SEPTIN7: variants seen among roughly 807,000 people sequenced by gnomAD.
SEPTIN7 encodes septin-7.
SEPTIN7 carries 10 observed loss-of-function variants against 63.3 expected under a neutral mutation model. The ratio of observed to expected loss-of-function variants is 0.16; its 90% confidence interval spans 0.10 to 0.27. The LOEUF is 0.27. Ranked by LOEUF, SEPTIN7 falls within the 10% of genes least tolerant of loss-of-function variation. The pLI, the probability that SEPTIN7 is intolerant of heterozygous loss-of-function variation, is 1.00. For synonymous variants in SEPTIN7, 131 were observed against 165.3 expected (o/e 0.79, Z 1.59); for missense variants, 310 against 521.0 (o/e 0.59, Z 3.94).
In SEPTIN7 at chr7:35,832,795, C is replaced by A; in HGVS notation, c.67-3C>A. On this transcript the variant is annotated splice_region_variant and splice_polypyrimidine_tract_variant and intron_variant, in intron 2 of 13. Transcript: ENST00000350320. ...ATAACTTGGCCCTTTTTGCTTTTGT[C>A]AGCAACAGAAGAACCTTGAAGGCTA... 1 of 1,584,552 alleles carries A rather than the reference C, an allele frequency of 6.3e-7. No homozygotes were observed. Among genetic ancestry groups the A allele is most frequent in the South Asian group, 1.1e-5 (1 of 90,046 alleles).
intron 1 of SEPTIN7, among the ~76,000 whole-genome samples, chr7:35,802,734 C>G (rs966225222): frequency 2.6e-5 from 4 of 152,018 alleles, no homozygotes; most frequent in African/African-American, 9.7e-5. Flanking sequence ...TAAACAATGA[C>G]CAAGTCAGCT....
intron 3 of SEPTIN7, among the ~76,000 whole-genome samples, chr7:35,862,047 A>T (rs577946518): frequency 7.2e-5 from 11 of 152,208 alleles, no homozygotes; most frequent in African/African-American, 2.4e-4. Flanking sequence ...TGAGCTTTTT[A>T]GTTTGCCGTT....
At chr7:35,852,014 G>C (rs943297368) in intron 3 of SEPTIN7, among the ~76,000 whole-genome samples, 2 of 152,028 alleles carry the variant, frequency 1.3e-5, no homozygotes, top group Non-Finnish European at 2.9e-5. Flanking sequence ...CCTTCTTAAG[G>C]CTGTCTACTT....
In SEPTIN7 at chr7:35,873,778, C is replaced by T. The variant is rs1786304294; in HGVS notation, c.512+3C>T. ...TTCATTGCTCCTTCAGGACATGGGT[C>T]AGTACCTTGATACTTCTGATTCCTT... is the stretch of plus-strand genomic sequence containing the variant. On this transcript the variant is annotated splice_donor_region_variant and intron_variant, in intron 6 of 13. Coordinates refer to ENST00000350320, the MANE Select transcript of SEPTIN7 (RefSeq NM_001788.6). 1 of 1,608,626 alleles carries T rather than the reference C, an allele frequency of 6.2e-7. No homozygotes were observed. The highest frequency in any genetic ancestry group is 8.5e-7 in the Non-Finnish European group (1 of 1,178,026).
chr7:35,818,571 A>G (rs1441546843), intron 1 of SEPTIN7, among the ~76,000 whole-genome samples: 1 of 152,042 alleles, frequency 6.6e-6, no homozygotes, highest in Non-Finnish European at 1.5e-5. Flanking sequence ...TGGTGAAGAC[A>G]TCTGGGTATG....
At chr7:35,869,084 G>A (rs1305760372) in intron 4 of SEPTIN7, among the ~76,000 whole-genome samples, 1 of 152,152 alleles carries the variant, frequency 6.6e-6, no homozygotes, top group Non-Finnish European at 1.5e-5. Flanking sequence ...AGAAAGATGG[G>A]TTAATCCAGA....
intron 4 of SEPTIN7, among the ~76,000 whole-genome samples, chr7:35,865,023 A>AT (rs371698605): frequency 0.1 from 14,550 of 143,368 alleles, 803 homozygotes; most frequent in South Asian, 0.2. Flanking sequence ...CTATTTTAGG[A>AT]TTTTTTTTTT....
At chr7:35,859,751 T>C (rs1052367073) in intron 3 of SEPTIN7, among the ~76,000 whole-genome samples, 1 of 152,212 alleles carries the variant, frequency 6.6e-6, no homozygotes, top group Non-Finnish European at 1.5e-5. Flanking sequence ...CCTTTGTCTT[T>C]GATGATAGTT....
chr7:35,885,803 T>TA, intron 9 of SEPTIN7, 25 bp from the exon 10 acceptor site: 1 of 1,572,696 alleles, frequency 6.4e-7, no homozygotes. Flanking sequence ...AAATATAACA[T>TA]ATGCGGTCTG....
Position 35,801,136 on chromosome 7 carries a change from GGAATCGGCGTAGGCGCCTTTGGA to G in SEPTIN7, c.-64_-42del. 3 of 1,282,166 alleles carry G rather than the reference GGAATCGGCGTAGGCGCCTTTGGA, an allele frequency of 2.3e-6. No individual in the cohort carries two copies. Among genetic ancestry groups the G allele is most frequent in the Non-Finnish European group, 3.1e-6 (3 of 956,698 alleles). The allele number at this position is 1,282,166 out of a possible 1,614,324, so 79.4% of individuals were successfully genotyped here. On this transcript the variant is annotated 5_prime_UTR_variant, in exon 1 of 14. Transcript: ENST00000350320. ...CAGCTACGCCGGGCGGCTACGCTGC[GGAATCGGCGTAGGCGCCTTTGGA>G]GAATCGGCGGGCTGCGCTCCGCTGG...
At chr7:35,841,628 G>T (rs1784411299) in intron 3 of SEPTIN7, among the ~76,000 whole-genome samples, 1 of 152,128 alleles carries the variant, frequency 6.6e-6, no homozygotes, top group African/African-American at 2.4e-5. Context: ...AAGTAAAAAT[G>T]GTATCACATT....
chr7:35,870,655 A>T (rs919437803), intron 4 of SEPTIN7, among the ~76,000 whole-genome samples: 5 of 152,074 alleles, frequency 3.3e-5, no homozygotes, highest in African/African-American at 2.4e-5. Context: ...AGATCACCAG[A>T]TAAAATGTAA....
intron 10 of SEPTIN7, among the ~76,000 whole-genome samples, chr7:35,888,149 T>TA: frequency 6.6e-6 from 1 of 152,288 alleles, no homozygotes; most frequent in Non-Finnish European, 1.5e-5. Context: ...CAGAAAGAGT[T>TA]ACGATATCAG....
At chr7:35,869,879 G>T (rs1234141200) in intron 4 of SEPTIN7, among the ~76,000 whole-genome samples, 6 of 152,136 alleles carry the variant, frequency 3.9e-5, no homozygotes, top group African/African-American at 1.4e-4. Flanking sequence ...CATTCTTTTG[G>T]TATTAAATGA....
chr7:35,820,581 C>A (rs1217702759), intron 1 of SEPTIN7, among the ~76,000 whole-genome samples: 1 of 151,972 alleles, frequency 6.6e-6, no homozygotes, highest in South Asian at 2.1e-4. Context: ...AAAAAATTAT[C>A]TTTTTTGATA....
intron 3 of SEPTIN7, among the ~76,000 whole-genome samples, chr7:35,856,153 T>C (rs184000351): frequency 2.0e-5 from 3 of 152,358 alleles, no homozygotes; most frequent in East Asian, 1.9e-4. Context: ...CATACTCTTA[T>C]ACTAATTTGA....
rs1244347828 is a variant in SEPTIN7, at chr7:35,903,082, C to T, written c.1141C>T (p.Arg381Trp). 14 of 1,538,952 alleles carry T rather than the reference C, an allele frequency of 9.1e-6. No homozygotes were observed. The highest frequency in any genetic ancestry group is 1.2e-5 in the Non-Finnish European group (14 of 1,145,112). ...ATATTGTGCTATGATTTAGCTCCAG[C>T]GGCGCCATGAGCAAATGAAAAAGAA... is the stretch of plus-strand genomic sequence containing the variant. ...KLKDSEAELQ[R>W]RHEQMKKNLE... The change falls in exon 13 of 14, where the codon CGG (arginine) becomes TGG (tryptophan). Residue 381 changes from arginine to tryptophan, a missense_variant. By Grantham distance (101) the Arg-to-Trp change is moderately radical (BLOSUM62 -3). Coordinates refer to ENST00000350320, the MANE Select transcript of SEPTIN7 (RefSeq NM_001788.6).
chr7:35,847,597 T>A (rs1308522521), intron 3 of SEPTIN7, among the ~76,000 whole-genome samples: 4 of 152,256 alleles, frequency 2.6e-5, no homozygotes, highest in Admixed American at 6.5e-5. Context: ...TTGCAACTTT[T>A]TTAATGTCAA....
chr7:35,904,491 AAAGT>A lies in SEPTIN7; in HGVS notation c.*202_*205del, dbSNP rs966766246. On this transcript the variant is annotated 3_prime_UTR_variant, in exon 14 of 14. Transcript: ENST00000350320. ...ATTGTCTAGGGTGTTCTGTACTTAGAAAGTAAGAGCTCTAAGTACCTTTCCTACA... is the reference window on the plus strand; with the variant it reads ...ATTGTCTAGGGTGTTCTGTACTTAGAAAGAGCTCTAAGTACCTTTCCTACA... 2 of 401,032 alleles carry A rather than the reference AAAGT, an allele frequency of 5.0e-6. No individual in the cohort carries two copies. The highest frequency in any genetic ancestry group is 8.8e-6 in the Non-Finnish European group (2 of 226,162). The allele number at this position is 401,032 out of a possible 1,614,324, so 24.8% of individuals were successfully genotyped here.
Sources: gnomAD v4.1 joint callset for allele counts (sites outside exome capture counted in the v4.1 genomes callset) on GRCh38, gnomAD v4.1.1 for gene constraint, MANE v1.5 for transcripts, NCBI Gene and HGNC (gene_info 2026-07-23, HGNC 2026-07-21) for gene names.